The following ADAMTSL3 variants were observed in gnomAD, a reference collection of about 807,000 sequenced individuals.
ADAMTSL3 encodes ADAMTS like 3.
Under a neutral mutation model 201.7 loss-of-function variants are expected in ADAMTSL3, and 128 were observed. The observed-to-expected ratio is 0.63, with a 90% CI of 0.55 to 0.73. The LOEUF (loss-of-function observed/expected upper bound fraction) is 0.73, where lower values mean the gene tolerates loss of function less well. ADAMTSL3 is among the 30% of genes least tolerant of loss of function. The pLI is 0.00. For missense variants in ADAMTSL3, 1,990 were observed against 2,119.6 expected (o/e 0.94, Z 1.20); for synonymous variants, 738 against 748.4 (o/e 0.99, Z 0.23).
chr15:83,930,212 TC>T (rs1482204507), intron 17 of ADAMTSL3, among the ~76,000 whole-genome samples: 1 of 152,168 alleles, frequency 6.6e-6, no homozygotes, highest in Non-Finnish European at 1.5e-5. Flanking sequence ...ATCACCGAGG[TC>T]CCCTAAGCTC....
intron 4 of ADAMTSL3, among the ~76,000 whole-genome samples, chr15:83,800,872 C>A (rs1172134847): frequency 2.0e-5 from 3 of 152,298 alleles, no homozygotes; most frequent in East Asian, 3.9e-4. Context: ...TCAATTACTT[C>A]TTCACTTTTC....
At chr15:83,759,758 A>G (rs2062779259) in intron 3 of ADAMTSL3, among the ~76,000 whole-genome samples, 1 of 152,172 alleles carries the variant, frequency 6.6e-6, no homozygotes, top group African/African-American at 2.4e-5. Context: ...TAAATTACTC[A>G]GAAGAGTTTG....
At chr15:83,844,487 C>T (rs2064454142) in intron 7 of ADAMTSL3, among the ~76,000 whole-genome samples, 1 of 152,194 alleles carries the variant, frequency 6.6e-6, no homozygotes, top group South Asian at 2.1e-4. Flanking sequence ...ATTCTCCTGT[C>T]TTCCCACATC....
chr15:83,891,724 C>CT (rs1237946475), intron 12 of ADAMTSL3, among the ~76,000 whole-genome samples: 4 of 152,146 alleles, frequency 2.6e-5, no homozygotes, highest in Non-Finnish European at 5.9e-5. Context: ...CTGTGATTCT[C>CT]TAATAATATT....
At chr15:84,012,230 T>A (rs934185439) in intron 23 of ADAMTSL3, among the ~76,000 whole-genome samples, 3 of 152,230 alleles carry the variant, frequency 2.0e-5, no homozygotes, top group Non-Finnish European at 4.4e-5. Flanking sequence ...CTGAACTGAC[T>A]GTTACACTTA....
chr15:84,034,865 C>G (rs1227665669), intron 28 of ADAMTSL3, among the ~76,000 whole-genome samples: 1 of 152,036 alleles, frequency 6.6e-6, no homozygotes, highest in African/African-American at 2.4e-5. Context: ...AACAGGGTTC[C>G]TTTATGATTT....
At chr15:83,781,724 T>G (rs577725955) in intron 4 of ADAMTSL3, among the ~76,000 whole-genome samples, 7 of 151,774 alleles carry the variant, frequency 4.6e-5, no homozygotes, top group Non-Finnish European at 8.8e-5. Flanking sequence ...GAACTTAAAT[T>G]TACAAGAAAA....
At chr15:84,009,345 A>G (rs193031311) in intron 23 of ADAMTSL3, among the ~76,000 whole-genome samples, 1 of 152,318 alleles carries the variant, frequency 6.6e-6, no homozygotes, top group East Asian at 1.9e-4. Flanking sequence ...AGTCTGATGA[A>G]GCCTATGGTA....
chr15:83,958,035 T>A (rs1291941335), intron 19 of ADAMTSL3, among the ~76,000 whole-genome samples: 1 of 152,068 alleles, frequency 6.6e-6, no homozygotes, highest in East Asian at 1.9e-4. Context: ...CAGAGGTAAT[T>A]TTAACAAAAG....
chr15:83,832,254 A>G (rs2064171612), intron 6 of ADAMTSL3, among the ~76,000 whole-genome samples: 1 of 151,400 alleles, frequency 6.6e-6, no homozygotes, highest in African/African-American at 2.5e-5. Context: ...CCTTCTGCTC[A>G]CTACTCGCCA....
Position 83,813,348 on chromosome 15 carries a change from T to C in ADAMTSL3, c.364-6463T>C, listed in dbSNP as rs1355686033. On this transcript the variant is annotated intron_variant, in intron 5 of 29. Transcript: ENST00000286744. ...TGGATCCCTAGCATAGGGGAGGATC[T>C]GACTTAACGAGGACAGACTCTGACA... 2.6e-5 allele frequency among the ~76,000 whole-genome samples: 4 copies of C among 152,290 alleles called. No homozygotes were observed. The East Asian group carries it at 7.7e-4, about 29-fold the overall frequency.
At chr15:84,010,826 T>C (rs1428094209) in intron 23 of ADAMTSL3, among the ~76,000 whole-genome samples, 1 of 152,206 alleles carries the variant, frequency 6.6e-6, no homozygotes, top group Non-Finnish European at 1.5e-5. Context: ...CACTATACCA[T>C]GAAAAGTCTG....
chr15:83,980,189 C>G (rs912765682), intron 20 of ADAMTSL3, among the ~76,000 whole-genome samples: 1 of 152,120 alleles, frequency 6.6e-6, no homozygotes. Context: ...AGTAAACAGC[C>G]TCTGCTGGAA....
intron 7 of ADAMTSL3, among the ~76,000 whole-genome samples, chr15:83,852,269 T>A (rs1389624456): frequency 6.6e-6 from 1 of 152,026 alleles, no homozygotes; most frequent in Non-Finnish European, 1.5e-5. Flanking sequence ...CCAGCCACCA[T>A]GCCTGGATAA....
intron 20 of ADAMTSL3, among the ~76,000 whole-genome samples, chr15:83,979,979 G>T (rs2067355933): frequency 6.6e-6 from 1 of 152,316 alleles, no homozygotes; most frequent in Admixed American, 6.5e-5. Flanking sequence ...CTGATGTCCT[G>T]GCTGCACCCC....
At chr15:83,959,401 A>G (rs1398463725) in intron 19 of ADAMTSL3, among the ~76,000 whole-genome samples, 1 of 152,160 alleles carries the variant, frequency 6.6e-6, no homozygotes, top group Non-Finnish European at 1.5e-5. Context: ...CAGAGCAAGA[A>G]TCCATCTCAA....
At chr15:83,843,915 ACAAC>A (rs1398283487) in intron 7 of ADAMTSL3, among the ~76,000 whole-genome samples, 5 of 152,248 alleles carry the variant, frequency 3.3e-5, no homozygotes, top group Non-Finnish European at 5.9e-5. Flanking sequence ...GACGGAACTG[ACAAC>A]CAACATAAAC....
At chr15:84,022,224 G>A (rs549479326) in intron 26 of ADAMTSL3, among the ~76,000 whole-genome samples, 1 of 151,726 alleles carries the variant, frequency 6.6e-6, no homozygotes, top group African/African-American at 2.4e-5. Context: ...TAAAGTCCAA[G>A]CCGTCATTTT....
At chr15:84,014,044 G>T (rs2068047249) in intron 23 of ADAMTSL3, among the ~76,000 whole-genome samples, 1 of 152,152 alleles carries the variant, frequency 6.6e-6, no homozygotes, top group East Asian at 1.9e-4. Flanking sequence ...TGTTTCCCTG[G>T]ATGTTGTATA....
Sources: gnomAD v4.1 joint callset for allele counts (sites outside exome capture counted in the v4.1 genomes callset) on GRCh38, gnomAD v4.1.1 for gene constraint, MANE v1.5 for transcripts, NCBI Gene and HGNC (gene_info 2026-07-23, HGNC 2026-07-21) for gene names.